Variants in PPFIA2 observed in about 807,000 individuals in gnomAD.
The protein encoded by PPFIA2 is PPFI scaffold protein A2, also known as liprin-alpha-2.
Under a neutral mutation model 175.5 loss-of-function variants are expected in PPFIA2, and 46 were observed. The ratio of observed to expected loss-of-function variants is 0.26; its 90% CI spans 0.21 to 0.34. The LOEUF is 0.34. PPFIA2 is among the 10% of genes least tolerant of loss of function. PPFIA2 has a pLI of 1.00. For missense variants in PPFIA2, 1,179 were observed against 1,506.1 expected (o/e 0.78, Z 3.60); for synonymous variants, 568 against 511.4 (o/e 1.11, Z -1.49).
At chr12:81,551,071 G>A (rs1310652092) in intron 4 of PPFIA2, among the ~76,000 whole-genome samples, 1 of 149,890 alleles carries the variant, frequency 6.7e-6, no homozygotes, top group African/African-American at 2.5e-5. Context: ...AACTTTATTG[G>A]CATGACTAGG....
At chr12:81,429,071 G>A (rs2047647169) in intron 7 of PPFIA2, among the ~76,000 whole-genome samples, 1 of 152,002 alleles carries the variant, frequency 6.6e-6, no homozygotes, top group Non-Finnish European at 1.5e-5. Context: ...ATTGGTCATG[G>A]AATTTACTAA....
At position 81,584,332 on chromosome 12, in the gene PPFIA2, C is replaced by T. The variant is rs564760526; in HGVS notation, c.303+92459G>A. Among the ~76,000 whole-genome samples the T allele has an allele frequency of 8.6e-5, 13 of 151,840 alleles. No homozygotes were observed. The East Asian group carries it at 2.5e-3, about 29-fold the overall frequency. The stretch of plus-strand genomic sequence containing the variant: ...AATGTATAATATTTTATTTATGATG[C>T]CATATATCATTTAGGATTTCAAAGA... On this transcript the variant is annotated intron_variant, in intron 4 of 32. Transcript: ENST00000549396.
At chr12:81,561,129 A>G (rs898658821) in intron 4 of PPFIA2, among the ~76,000 whole-genome samples, 3 of 152,158 alleles carry the variant, frequency 2.0e-5, no homozygotes, top group Admixed American at 1.3e-4. Context: ...TTCATTTAAG[A>G]TAACAGCATC....
Position 81,358,093 on chromosome 12 carries a change from C to G in PPFIA2, c.1762G>C (p.Asp588His), listed in dbSNP as rs1341538540. Residue 588 changes from aspartate (D) to histidine (H), a missense_variant, in exon 16 of 33, where the codon GAT (aspartate) becomes CAT (histidine). Physicochemically the swap from Asp to His is moderately conservative, Grantham distance 81. This residue lies in a region of PPFIA2 where 186 missense variants were observed against 163.6 expected (regional missense o/e 1.14). Coordinates refer to ENST00000549396, the MANE Select transcript of PPFIA2 (RefSeq NM_003625.5). ...PRRGRMGVRR[D>H]EPKVKSLGDH... ...GTTAAAAGATTAACCTTTGGCTCAT[C>G]TCTTCGCACACCCATGCGGCCTCTC... 6.2e-7 allele frequency: 1 copy of G among 1,600,438 alleles called. No homozygotes were observed. Among genetic ancestry groups the G allele is most frequent in the Admixed American group, 1.7e-5 (1 of 57,662 alleles).
chr12:81,756,811 T>C (rs1192482809), intron 2 of PPFIA2, among the ~76,000 whole-genome samples: 4 of 152,192 alleles, frequency 2.6e-5, no homozygotes, highest in Non-Finnish European at 5.9e-5. Context: ...ATATTTTACC[T>C]TTACGACTCA....
chr12:81,735,814 T>A (rs1354497565), intron 3 of PPFIA2, among the ~76,000 whole-genome samples: 1 of 151,852 alleles, frequency 6.6e-6, no homozygotes, highest in Non-Finnish European at 1.5e-5. Flanking sequence ...TAGCCAATCA[T>A]CCTAGCCTAA....
At chr12:81,312,710 T>C (rs949028687) in intron 22 of PPFIA2, among the ~76,000 whole-genome samples, 1 of 152,200 alleles carries the variant, frequency 6.6e-6, no homozygotes, top group African/African-American at 2.4e-5. Context: ...ATACACAGTT[T>C]GGTCAAAATT....
intron 4 of PPFIA2, among the ~76,000 whole-genome samples, chr12:81,463,257 A>G (rs117041766): frequency 0.083 from 12,624 of 152,196 alleles, 746 homozygotes; most frequent in Middle Eastern, 0.16. Context: ...AACACAGAGT[A>G]TTATCAGAAG....
chr12:81,422,497 TG>T (rs2046451212), intron 7 of PPFIA2, among the ~76,000 whole-genome samples: 1 of 151,770 alleles, frequency 6.6e-6, no homozygotes, highest in Non-Finnish European at 1.5e-5. Flanking sequence ...GAAGGTAAAA[TG>T]TGAAAAAATG....
intron 7 of PPFIA2, among the ~76,000 whole-genome samples, chr12:81,432,008 C>T (rs1414737520): frequency 6.6e-6 from 1 of 152,142 alleles, no homozygotes; most frequent in Non-Finnish European, 1.5e-5. Context: ...ACAATGAATT[C>T]CTCCCTTTGG....
intron 4 of PPFIA2, among the ~76,000 whole-genome samples, chr12:81,611,594 G>A (rs1176116188): frequency 6.6e-6 from 1 of 152,258 alleles, no homozygotes; most frequent in East Asian, 1.9e-4. Flanking sequence ...CAGGCCCTGC[G>A]GGGGTCAGGG....
intron 4 of PPFIA2, among the ~76,000 whole-genome samples, chr12:81,626,991 A>G (rs2062790840): frequency 6.6e-6 from 1 of 152,066 alleles, no homozygotes; most frequent in Non-Finnish European, 1.5e-5. Flanking sequence ...GTCTCATTTG[A>G]TGTGCTTGAA....
chr12:81,377,437 A>G (rs993769211), intron 9 of PPFIA2, among the ~76,000 whole-genome samples: 49 of 151,926 alleles, frequency 3.2e-4, no homozygotes, highest in Admixed American at 2.6e-4. Context: ...CTGTAATCCC[A>G]GCTACTCAGA....
At chr12:81,362,351 A>G (rs1372534938) in intron 15 of PPFIA2, among the ~76,000 whole-genome samples, 4 of 151,436 alleles carry the variant, frequency 2.6e-5, no homozygotes, top group African/African-American at 7.3e-5. Flanking sequence ...TTGAACACAT[A>G]TAAAGAGAAG....
chr12:81,519,550 T>G (rs1185416736), intron 4 of PPFIA2, among the ~76,000 whole-genome samples: 2 of 152,194 alleles, frequency 1.3e-5, no homozygotes, highest in Non-Finnish European at 2.9e-5. Context: ...TAGTCGCAGG[T>G]CTGTATCTTT....
intron 4 of PPFIA2, among the ~76,000 whole-genome samples, chr12:81,600,581 AT>A (rs1387888622): frequency 6.6e-6 from 1 of 151,954 alleles, no homozygotes; most frequent in Non-Finnish European, 1.5e-5. Context: ...TCAAATTAAT[AT>A]TTTTCCCTTC....
intron 9 of PPFIA2, among the ~76,000 whole-genome samples, chr12:81,376,553 A>C (rs892211686): frequency 2.6e-5 from 4 of 152,186 alleles, no homozygotes; most frequent in Non-Finnish European, 5.9e-5. Context: ...ATATAGGAAA[A>C]AATCAAGTTC....
At chr12:81,436,959 T>C (rs2049170920) in intron 7 of PPFIA2, among the ~76,000 whole-genome samples, 1 of 152,212 alleles carries the variant, frequency 6.6e-6, no homozygotes, top group African/African-American at 2.4e-5. Context: ...AAGTGACTCT[T>C]ATTTGTACAA....
At chr12:81,379,175 A>G (rs1410340286) in intron 9 of PPFIA2, among the ~76,000 whole-genome samples, 1 of 152,190 alleles carries the variant, frequency 6.6e-6, no homozygotes, top group African/African-American at 2.4e-5. Context: ...TTTACAAGTC[A>G]GAGAAATAGC....
Sources: allele counts gnomAD v4.1 joint callset (sites outside exome capture counted in the v4.1 genomes callset), GRCh38; gene constraint gnomAD v4.1.1; regional missense constraint gnomAD v4.1.1; transcripts MANE v1.5; gene names NCBI Gene and HGNC (gene_info 2026-07-23, HGNC 2026-07-21).